Variants in NBPF12 observed in about 807,000 individuals in gnomAD.
The protein encoded by NBPF12 is NBPF family member NBPF12.
A neutral mutation model predicts 146.4 loss-of-function variants in NBPF12; 115 were observed. The ratio of observed to expected loss-of-function variants is 0.79; its 90% CI spans 0.68 to 0.92. NBPF12 has a LOEUF of 0.92. NBPF12 is among the 40% of genes least tolerant of loss of function. The probability of loss-of-function intolerance (pLI) is 0.00; values close to 1 mark genes in which losing one functional copy is unlikely to be tolerated. For missense variants in NBPF12, 1,205 were observed against 1,326.8 expected (o/e 0.91, Z 1.43); for synonymous variants, 385 against 508.9 (o/e 0.76, Z 3.28).
chr1:146,973,402 A>C (rs1177826888), intron 14 of NBPF12, among the ~76,000 whole-genome samples: 3 of 151,638 alleles, frequency 2.0e-5, no homozygotes, highest in African/African-American at 7.3e-5. Flanking sequence ...TCTGAGGGAA[A>C]CTTGGTGATA....
At chr1:146,963,474 C>T (rs1264735310) in intron 6 of NBPF12, among the ~76,000 whole-genome samples, 165 bp downstream of exon 9, 2 of 152,030 alleles carry the variant, frequency 1.3e-5, no homozygotes, top group South Asian at 2.1e-4. Flanking sequence ...AATGGGAAAC[C>T]CATGGGTTTG....
chr1:146,973,792 AT>A (rs1656813182), intron 14 of NBPF12, among the ~76,000 whole-genome samples: 1 of 143,812 alleles, frequency 7.0e-6, no homozygotes, highest in Non-Finnish European at 1.5e-5. Context: ...TTAAAAAAAA[AT>A]AATAATGAGA....
intron 1 of NBPF12, among the ~76,000 whole-genome samples, chr1:146,950,262 C>T (rs1235955584): frequency 6.6e-6 from 1 of 151,528 alleles, no homozygotes; most frequent in African/African-American, 2.4e-5. Context: ...CTAAAACATC[C>T]ACACCAGGTG....
intron 2 of NBPF12, among the ~76,000 whole-genome samples, chr1:146,954,874 TACACACCC>T (rs1240699531): frequency 2.4e-5 from 3 of 127,582 alleles, no homozygotes; most frequent in Admixed American, 8.8e-5. Flanking sequence ...TATATATGTA[TACACACCC>T]ACACACACAC....
chr1:146,945,474 G>A (rs1480600442), upstream of NBPF12, among the ~76,000 whole-genome samples: 1 of 151,824 alleles, frequency 6.6e-6, no homozygotes, highest in Admixed American at 6.6e-5. Flanking sequence ...TGTTCCGGGG[G>A]CACCCCAGGG....
At chr1:146,962,225 G>C in exon 5 of NBPF12, 11 of 1,607,630 alleles carry the variant, frequency 6.8e-6, no homozygotes, top group Non-Finnish European at 9.3e-6. Flanking sequence ...TCAAGGAGGA[G>C]AAGCTTGCAG....
At chr1:146,974,613 C>T (rs1656868935) in intron 14 of NBPF12, 126 bp from the exon 18 acceptor site, 2 of 420,106 alleles carry the variant, frequency 4.8e-6, no homozygotes, top group Non-Finnish European at 3.9e-6. Flanking sequence ...CGTGGAAATC[C>T]CTGTCTAGAC....
intron 8 of NBPF12, 30 bp downstream of exon 11, chr1:146,965,134 C>T (rs1656105401): frequency 3.3e-6 from 4 of 1,218,896 alleles, no homozygotes; most frequent in Middle Eastern, 4.1e-4. Context: ...TGTCTCATAC[C>T]TCTGTCTAGG....
upstream of NBPF12, chr1:146,938,607 T>G (rs1408687005): frequency 6.0e-5 from 9 of 149,440 alleles, no homozygotes; most frequent in African/African-American, 2.3e-4. Context: ...CGGGTCCCTT[T>G]AAGGCCCAGC....
At chr1:146,964,263 A>T in intron 6 of NBPF12, 94 bp from the exon 10 acceptor site, 1 of 1,562,170 alleles carries the variant, frequency 6.4e-7, no homozygotes. Context: ...ATGCTGAACC[A>T]TACATAGATG....
chr1:146,965,538 T>A (rs1490762319), intron 8 of NBPF12, among the ~76,000 whole-genome samples: 2 of 150,950 alleles, frequency 1.3e-5, no homozygotes, highest in East Asian at 3.9e-4. Flanking sequence ...ATCCCAGCAC[T>A]TTGGGAGGCC....
chr1:146,981,403 G>C (rs1243716589), intron 19 of NBPF12, among the ~76,000 whole-genome samples: 35 of 150,850 alleles, frequency 2.3e-4, no homozygotes, highest in Admixed American at 1.8e-3. Flanking sequence ...CTGGCTTGTA[G>C]GGTTTGTGCC....
intron 25 of NBPF12, among the ~76,000 whole-genome samples, chr1:146,987,733 T>TTGTG (rs782154969): frequency 0.046 from 6,534 of 140,730 alleles, 36 homozygotes; most frequent in African/African-American, 0.083. Context: ...GTGTGTGTGT[T>TTGTG]TGTGTGTGTG....
exon 14 of NBPF12, chr1:146,972,770 T>C: frequency 8.2e-7 from 1 of 1,226,710 alleles, no homozygotes; most frequent in South Asian, 1.2e-5. Context: ...CCACCTCTTC[T>C]GCCACAAACG....
Position 146,966,370 on chromosome 1 carries a change from C to G in NBPF12, c.779-94C>G, listed in dbSNP as rs1166890566. On this transcript the variant is annotated intron_variant, in intron 8 of 33. Coordinates refer to ENST00000617844, the Ensembl canonical transcript of NBPF12. The stretch of plus-strand genomic sequence containing the variant: ...GGGAAACATCATCTTCGAATAAGTA[C>G]ACAAGGCTGCCAGTGACATCCCTCA... The G allele has an allele frequency of 2.9e-3, 3,153 of 1,101,612 alleles. 138 individuals carry two copies. The African/African-American group carries it at 0.044, about 15-fold the overall frequency. 68.2% of individuals were successfully genotyped at this position (1,101,612 alleles called of 1,614,324 possible). A position where few individuals can be genotyped will look rare whatever the true frequency, so the allele number is the denominator to read the frequency against.
chr1:146,968,880 C>G (rs1283578975), intron 10 of NBPF12, among the ~76,000 whole-genome samples: 2 of 151,236 alleles, frequency 1.3e-5, no homozygotes, highest in African/African-American at 2.5e-5. Context: ...ACCCCACTTA[C>G]CCTTAGTGAG....
At position 146,956,241 on chromosome 1, in the gene NBPF12, A is replaced by G. The variant is rs1375692843; in HGVS notation, c.-183-3618A>G. 1.4e-4 allele frequency among the ~76,000 whole-genome samples: 22 copies of G among 152,088 alleles called. No individual in the cohort carries two copies. In the East Asian group the frequency reaches 3.7e-3, roughly 25 times the overall value. Reference sequence around the variant, plus strand: ...ATGGATTTTAAAATTACATTGATGCATGAAAGAAGGCAGACACAAAAGAAC... The same window carrying G: ...ATGGATTTTAAAATTACATTGATGCGTGAAAGAAGGCAGACACAAAAGAAC... On this transcript the variant is annotated intron_variant, in intron 2 of 33. Coordinates refer to ENST00000617844, the Ensembl canonical transcript of NBPF12.
intron 16 of NBPF12, among the ~76,000 whole-genome samples, chr1:146,976,511 T>TG (rs1657034998): frequency 8.7e-5 from 9 of 103,258 alleles, no homozygotes. Context: ...ACTTGGAGGC[T>TG]TGAAATCTTC....
intron 19 of NBPF12, among the ~76,000 whole-genome samples, chr1:146,981,318 T>C (rs1175978733): frequency 2.3e-5 from 3 of 132,644 alleles, no homozygotes; most frequent in African/African-American, 5.5e-5. Flanking sequence ...TATATATACA[T>C]ACACACAAAA....
Sources: gnomAD v4.1 joint callset for allele counts (sites outside exome capture counted in the v4.1 genomes callset) on GRCh38, gnomAD v4.1.1 for gene constraint, MANE v1.5 for transcripts, NCBI Gene and HGNC (gene_info 2026-07-23, HGNC 2026-07-21) for gene names.